HIVEP2: variants seen among roughly 807,000 people sequenced by gnomAD.
HIVEP2 encodes HIVEP zinc finger 2, also known as transcription factor HIVEP2.
HIVEP2 carries 14 observed loss-of-function variants against 180.7 expected under a neutral mutation model. The observed-to-expected ratio is 0.08, with a 90% CI of 0.05 to 0.12. The LOEUF (loss-of-function observed/expected upper bound fraction) is 0.12, where lower values mean the gene tolerates loss of function less well. Ranked by LOEUF, HIVEP2 falls within the 10% of genes least tolerant of loss-of-function variation. The pLI is 1.00. For missense variants in HIVEP2, 2,579 were observed against 3,008.5 expected (o/e 0.86, Z 3.34); for synonymous variants, 1,184 against 1,136.4 (o/e 1.04, Z -0.84).
chr6:142,764,693 A>ATC (rs1775337874), intron 7 of HIVEP2, 106 bp downstream of exon 7: 20 of 863,672 alleles, frequency 2.3e-5, no homozygotes, highest in African/African-American at 3.4e-5. Flanking sequence ...ATATTTTCAC[A>ATC]AACAAACTAT....
intron 2 of HIVEP2, among the ~76,000 whole-genome samples, chr6:142,801,620 T>C (rs529258328): frequency 4.1e-4 from 62 of 152,190 alleles, no homozygotes; most frequent in South Asian, 2.5e-3. Context: ...TGTACCCTTG[T>C]ATAAGTCACT....
At chr6:142,911,637 C>T (rs2128430022) in intron 1 of HIVEP2, among the ~76,000 whole-genome samples, 1 of 152,290 alleles carries the variant, frequency 6.6e-6, no homozygotes, top group Non-Finnish European at 1.5e-5. Context: ...CCATCAGGGA[C>T]TCTTTGCTCA....
chr6:142,760,407 T>C lies in HIVEP2; in HGVS notation c.5881A>G (p.Ser1961Gly), dbSNP rs752547200. ...GAVPHGVPSD[S>G]SLGHSSLISY... Reference sequence around the variant, plus strand: ...ATCAACGAAGAATGTCCCAGGGAACTATCTGAAGGAACCCCGTGGGGTACG... The same window carrying C: ...ATCAACGAAGAATGTCCCAGGGAACCATCTGAAGGAACCCCGTGGGGTACG... The change falls in exon 9 of 10, where the codon AGT becomes GGT. Residue 1961 changes from serine to glycine, a missense_variant. Coordinates refer to ENST00000367603, the MANE Select transcript of HIVEP2 (RefSeq NM_006734.4). 5.3e-5 allele frequency: 85 copies of C among 1,614,070 alleles called. No individual in the cohort carries two copies. Among genetic ancestry groups the C allele is most frequent in the Admixed American group, 6.7e-5 (4 of 60,004 alleles).
In HIVEP2 at chr6:142,753,726, G is replaced by A. The variant is rs1228799976; in HGVS notation, c.6722C>T (p.Pro2241Leu). 3 of 1,614,136 alleles carry A rather than the reference G, an allele frequency of 1.9e-6. No homozygotes were observed. The highest frequency in any genetic ancestry group is 1.1e-5 in the South Asian group (1 of 91,076). Residue 2241 changes from proline (P) to leucine (L), a missense_variant, in exon 10 of 10, where the codon CCG (proline) becomes CTG (leucine). By Grantham distance (98) the Pro-to-Leu change is moderately conservative (BLOSUM62 -3). Around this residue, in one of 11 missense-constraint regions of HIVEP2, gnomAD observed 660 missense variants for 731.7 expected, o/e 0.90. Transcript: ENST00000367603. ...AGGATGTAAACTGGAAAGGGCTGGC[G>A]GCATGGAGTGAACCATCTGGATCCC... Reference protein sequence around the residue: ...VGGIQMVHSMPPALSSLHPSP... With the variant: ...VGGIQMVHSMLPALSSLHPSP...
At chr6:142,913,289 C>T (rs920972125) in intron 1 of HIVEP2, among the ~76,000 whole-genome samples, 2 of 152,206 alleles carry the variant, frequency 1.3e-5, no homozygotes, top group African/African-American at 4.8e-5. Context: ...ACACGAAAAA[C>T]GTACATTTCC....
intron 1 of HIVEP2, among the ~76,000 whole-genome samples, chr6:142,938,428 T>C (rs1479628484): frequency 2.0e-5 from 3 of 152,252 alleles, no homozygotes; most frequent in Non-Finnish European, 4.4e-5. Context: ...AGCGTTTTGG[T>C]GAACAAAGCT....
rs57458259 is a variant in HIVEP2, at chr6:142,785,309, C to CA, written c.-527-1695dup. Among the ~76,000 whole-genome samples, 112 of 65,378 alleles carry CA rather than the reference C, an allele frequency of 1.7e-3. 9 individuals are homozygous for CA. The highest frequency in any genetic ancestry group is 2.4e-3 in the African/African-American group (50 of 20,536). 42.9% of individuals were successfully genotyped at this position (65,378 alleles called of 152,430 possible). A position where few individuals can be genotyped will look rare whatever the true frequency, so the allele number is the denominator to read the frequency against. ...GGCTAAAGTAAAGCATGGCATTCCTCAAAAAAAAAAAAAAAAAAAAAAAAA... is the reference window on the plus strand; with the variant it reads ...GGCTAAAGTAAAGCATGGCATTCCTCAAAAAAAAAAAAAAAAAAAAAAAAAA... On this transcript the variant is annotated intron_variant, in intron 2 of 9. Transcript: ENST00000367603.
In HIVEP2 at chr6:142,754,318, TA is replaced by T. The variant is rs1197939647; in HGVS notation, c.6517-388del. Among the ~76,000 whole-genome samples, 19 of 90,626 alleles carry T rather than the reference TA, an allele frequency of 2.1e-4. No individual in the cohort carries two copies. The East Asian group carries it at 3.2e-3, about 15-fold the overall frequency. The allele number at this position is 90,626 out of a possible 152,430, so 59.5% of individuals were successfully genotyped here. ...AAAAAACACTAATAAACATTAATAA[TA>T]TTTTTTTTAATTCAAAAGGAAATAA... is the stretch of plus-strand genomic sequence containing the variant. On this transcript the variant is annotated intron_variant, in intron 9 of 9. Transcript: ENST00000367603.
At position 142,830,145 on chromosome 6, in the gene HIVEP2, T is replaced by C. The variant is rs577916668; in HGVS notation, c.-528+6790A>G. On this transcript the variant is annotated intron_variant, in intron 2 of 9. Coordinates refer to ENST00000367603, the MANE Select transcript of HIVEP2 (RefSeq NM_006734.4). Reference sequence around the variant, plus strand: ...AACTAAGGTTTTCTGTTGTTAGAAATACCACCAATTGAAAAAGTAACTTTA... The same window carrying C: ...AACTAAGGTTTTCTGTTGTTAGAAACACCACCAATTGAAAAAGTAACTTTA... Among the ~76,000 whole-genome samples, 4 of 152,266 alleles carry C rather than the reference T, an allele frequency of 2.6e-5. No homozygotes were observed. In the South Asian group the frequency reaches 8.3e-4, roughly 32 times the overall value.
intron 1 of HIVEP2, among the ~76,000 whole-genome samples, chr6:142,925,219 C>G (rs1777778140): frequency 6.6e-6 from 1 of 152,188 alleles, no homozygotes; most frequent in Non-Finnish European, 1.5e-5. Context: ...AGAAAGTAAT[C>G]TTGCATTAAC....
At position 142,774,464 on chromosome 6, in the gene HIVEP2, T is replaced by A. The variant is rs1582846837; in HGVS notation, c.275A>T (p.Tyr92Phe). 3 of 1,614,082 alleles carry A rather than the reference T, an allele frequency of 1.9e-6. No homozygotes were observed. In the East Asian group the frequency reaches 6.7e-5, roughly 36 times the overall value. The change falls in exon 5 of 10, where the codon TAC (tyrosine) becomes TTC (phenylalanine). Residue 92 changes from tyrosine (Y) to phenylalanine (F), a missense_variant. Around this residue, in one of 11 missense-constraint regions of HIVEP2, gnomAD observed 207 missense variants for 210.1 expected, o/e 0.99. Transcript: ENST00000367603. This position sits in a 1 kb window ranked among gnomAD's most constrained non-coding sequence, Gnocchi z 5.1. ...GAAAGAGAGTGAGTGTTGGCATGAGTAAGGACTCGGACGATGCGGTGGATA... is the reference window on the plus strand; with the variant it reads ...GAAAGAGAGTGAGTGTTGGCATGAGAAAGGACTCGGACGATGCGGTGGATA... The part of the protein sequence containing the change: ...KQYPPHRPSP[Y>F]SCQHSLSFPQ...
rs1250277196 is a variant in HIVEP2, at chr6:142,770,798, A to G, written c.3941T>C (p.Leu1314Pro). ...ATTTGCCGAGGCAAAATCTTCTTGA[A>G]GAACCTGCTCAGAGGGCGTTTCAGT... ...KSTETPSEQV[L>P]QEDFASANAG... Residue 1314 changes from leucine (L) to proline (P), a missense_variant, in exon 5 of 10, where the codon CTT becomes CCT. By Grantham distance (98) the Leu-to-Pro change is moderately conservative. Around this residue, in one of 11 missense-constraint regions of HIVEP2, gnomAD observed 523 missense variants for 577.0 expected, o/e 0.91. Coordinates refer to ENST00000367603, the MANE Select transcript of HIVEP2 (RefSeq NM_006734.4). The surrounding 1 kb of genome is among the most constrained non-coding windows in gnomAD (Gnocchi z 4.7). The G allele has an allele frequency of 4.3e-6, 7 of 1,614,192 alleles. No individual in the cohort carries two copies. The highest frequency in any genetic ancestry group is 5.9e-6 in the Non-Finnish European group (7 of 1,180,038).
At chr6:142,785,996 T>C (rs544884877) in intron 2 of HIVEP2, among the ~76,000 whole-genome samples, 3 of 152,388 alleles carry the variant, frequency 2.0e-5, no homozygotes, top group South Asian at 2.1e-4. Context: ...AATCATTTTG[T>C]TATAAATTGA....
intron 3 of HIVEP2, among the ~76,000 whole-genome samples, chr6:142,780,859 G>A (rs1017523711): frequency 1.3e-5 from 2 of 152,160 alleles, no homozygotes; most frequent in Non-Finnish European, 2.9e-5. Context: ...TTTGTTAGGT[G>A]ACACTTTTAC....
intron 1 of HIVEP2, among the ~76,000 whole-genome samples, chr6:142,908,994 A>T (rs1032304409): frequency 2.6e-5 from 4 of 152,110 alleles, no homozygotes; most frequent in Non-Finnish European, 4.4e-5. Context: ...TTTAATTAAC[A>T]ATAGTCTATT....
At chr6:142,915,578 C>A (rs1481411082) in intron 1 of HIVEP2, among the ~76,000 whole-genome samples, 1 of 152,156 alleles carries the variant, frequency 6.6e-6, no homozygotes. Context: ...GCAGCCCTGG[C>A]AAAATCTCTA....
intron 2 of HIVEP2, among the ~76,000 whole-genome samples, chr6:142,829,432 C>G (rs1326588150): frequency 1.3e-5 from 2 of 152,178 alleles, no homozygotes; most frequent in African/African-American, 4.8e-5. Flanking sequence ...GCTCCCCAAG[C>G]CCTCTACCCA....
At position 142,768,510 on chromosome 6, in the gene HIVEP2, A is replaced by C; in HGVS notation, c.5214T>G (p.Phe1738Leu). ...TQMKPDASFL[F>L]GSKLERKLVG... ...CTAGTTTCCTTTCTAGTTTGCTGCCAAATAAAAAGGACGCATCAGGTTTCA... is the reference window on the plus strand; with the variant it reads ...CTAGTTTCCTTTCTAGTTTGCTGCCCAATAAAAAGGACGCATCAGGTTTCA... The change falls in exon 6 of 10, where the codon TTT (phenylalanine) becomes TTG (leucine). Residue 1738 changes from phenylalanine (F) to leucine (L), a missense_variant. By Grantham distance (22) the Phe-to-Leu change is conservative (BLOSUM62 0). Transcript: ENST00000367603. 6.2e-7 allele frequency: 1 copy of C among 1,613,446 alleles called. No individual in the cohort carries two copies. The highest frequency in any genetic ancestry group is 8.5e-7 in the Non-Finnish European group (1 of 1,179,704).
intron 1 of HIVEP2, among the ~76,000 whole-genome samples, chr6:142,856,510 C>T (rs1457602807): frequency 6.6e-6 from 1 of 152,182 alleles, no homozygotes; most frequent in East Asian, 1.9e-4. Context: ...TTTGGAACTG[C>T]CTCAGCAGTC....
Sources: gnomAD v4.1 joint callset for allele counts (sites outside exome capture counted in the v4.1 genomes callset) on GRCh38, gnomAD v4.1.1 for gene constraint, gnomAD v4.1.1 regional missense constraint, Gnocchi (gnomAD v3.1) non-coding constraint, MANE v1.5 for transcripts, NCBI Gene and HGNC (gene_info 2026-07-23, HGNC 2026-07-21) for gene names.